Variants in DOCK3 observed in about 807,000 individuals in gnomAD.
DOCK3 encodes dedicator of cytokinesis 3, also known as dedicator of cytokinesis protein 3.
In DOCK3, 60 loss-of-function variants were observed where a neutral mutation model predicts 265.6. That is an observed-to-expected ratio of 0.23 (90% CI 0.18 to 0.28). DOCK3 has a LOEUF of 0.28. DOCK3 is among the 10% of genes least tolerant of loss of function. The probability of loss-of-function intolerance (pLI) is 1.00; values close to 1 mark genes in which losing one functional copy is unlikely to be tolerated. For missense variants in DOCK3, 1,981 were observed against 2,594.3 expected (o/e 0.76, Z 5.14); for synonymous variants, 881 against 938.0 (o/e 0.94, Z 1.11).
At chr3:51,310,162 C>A in intron 27 of DOCK3, 70 bp from the exon 28 acceptor site, 4 of 1,225,692 alleles carry the variant, frequency 3.3e-6, no homozygotes, top group Non-Finnish European at 4.7e-6. Flanking sequence ...TAGTGGCGGC[C>A]AGGAGTGGCC....
intron 1 of DOCK3, among the ~76,000 whole-genome samples, chr3:50,715,702 C>T (rs998633786): frequency 1.3e-5 from 2 of 151,948 alleles, no homozygotes; most frequent in Non-Finnish European, 2.9e-5. Flanking sequence ...AGCTGACTGC[C>T]CATAGTTCCA....
intron 13 of DOCK3, among the ~76,000 whole-genome samples, chr3:51,210,285 A>G (rs2089434878): frequency 6.6e-6 from 1 of 152,196 alleles, no homozygotes; most frequent in Non-Finnish European, 1.5e-5. Flanking sequence ...ATTTTTGTCT[A>G]GAACTCACAG....
At chr3:51,345,713 T>C (rs1480353) in intron 38 of DOCK3, among the ~76,000 whole-genome samples, 114,223 of 152,108 alleles carry the variant, frequency 0.75, 43,902 homozygotes, top group Middle Eastern at 0.86. Flanking sequence ...TTTTAATTGG[T>C]CCTGCAGTTT....
chr3:50,821,522 G>A (rs2044429484), intron 2 of DOCK3, among the ~76,000 whole-genome samples: 3 of 152,122 alleles, frequency 2.0e-5, no homozygotes, highest in Admixed American at 6.5e-5. Flanking sequence ...GGATGGTCTC[G>A]ATCTCCTGAC....
chr3:51,009,415 A>G (rs1166378115), intron 5 of DOCK3, among the ~76,000 whole-genome samples: 2 of 152,162 alleles, frequency 1.3e-5, no homozygotes, highest in African/African-American at 2.4e-5. Context: ...AGAGGTGTTT[A>G]TAGTATTCTC....
At chr3:50,818,008 T>A in intron 2 of DOCK3, among the ~76,000 whole-genome samples, 1 of 152,244 alleles carries the variant, frequency 6.6e-6, no homozygotes, top group East Asian at 1.9e-4. Flanking sequence ...CCTCTGCCGT[T>A]GTCCTGGCTG....
chr3:50,975,685 T>C (rs1198843426), intron 5 of DOCK3, among the ~76,000 whole-genome samples: 1 of 152,244 alleles, frequency 6.6e-6, no homozygotes, highest in Non-Finnish European at 1.5e-5. Flanking sequence ...TTCCCTCTTT[T>C]CCTATAGATT....
At chr3:50,820,516 A>G (rs764002646) in intron 2 of DOCK3, among the ~76,000 whole-genome samples, 4 of 152,142 alleles carry the variant, frequency 2.6e-5, no homozygotes, top group Non-Finnish European at 5.9e-5. Context: ...TTCTTTTTTT[A>G]TGGCTGCATA....
intron 6 of DOCK3, 145 bp downstream of exon 6, chr3:51,064,741 A>G (rs1469621320): frequency 1.2e-5 from 14 of 1,143,372 alleles, no homozygotes; most frequent in Non-Finnish European, 1.7e-5. Flanking sequence ...TTTTGCTAGG[A>G]GCAGTTATTT....
chr3:51,144,370 C>T (rs552622049), intron 9 of DOCK3, among the ~76,000 whole-genome samples: 2 of 152,290 alleles, frequency 1.3e-5, no homozygotes, highest in East Asian at 3.9e-4. Context: ...GAGTTTTGTC[C>T]TTGTTACATG....
intron 5 of DOCK3, among the ~76,000 whole-genome samples, chr3:50,957,165 G>T (rs1477478846): frequency 6.6e-6 from 1 of 152,050 alleles, no homozygotes; most frequent in Non-Finnish European, 1.5e-5. Context: ...TATTATATTT[G>T]TATATTTATT....
chr3:51,256,650 GA>G (rs1301808587), intron 22 of DOCK3, among the ~76,000 whole-genome samples: 4 of 149,176 alleles, frequency 2.7e-5, no homozygotes, highest in Non-Finnish European at 5.9e-5. Flanking sequence ...CTGGACTGCA[GA>G]GGCACAATCT....
chr3:50,708,670 T>C (rs2036564001), intron 1 of DOCK3, among the ~76,000 whole-genome samples: 1 of 152,222 alleles, frequency 6.6e-6, no homozygotes, highest in Admixed American at 6.5e-5. Flanking sequence ...CACAAGGGCC[T>C]AGGGGCTTTC....
At chr3:51,201,159 A>G (rs1350124641) in intron 12 of DOCK3, among the ~76,000 whole-genome samples, 6 of 151,444 alleles carry the variant, frequency 4.0e-5, no homozygotes, top group African/African-American at 1.2e-4. Context: ...GACAGGATCA[A>G]ATTCACACAT....
intron 1 of DOCK3, among the ~76,000 whole-genome samples, chr3:50,759,120 A>T (rs746514197): frequency 5.3e-5 from 8 of 152,218 alleles, no homozygotes; most frequent in Non-Finnish European, 1.2e-4. Flanking sequence ...ATATACGCAG[A>T]AGTGGAATGG....
intron 49 of DOCK3, among the ~76,000 whole-genome samples, chr3:51,363,594 G>C (rs552129617): frequency 6.6e-6 from 1 of 152,232 alleles, no homozygotes; most frequent in East Asian, 1.9e-4. Context: ...CCGTTAACTC[G>C]TCATTTACAT....
At chr3:50,849,268 C>T (rs998813931) in intron 3 of DOCK3, among the ~76,000 whole-genome samples, 1 of 151,854 alleles carries the variant, frequency 6.6e-6, no homozygotes, top group African/African-American at 2.4e-5. Flanking sequence ...TTCCTGGGCT[C>T]AAGCAATCTT....
chr3:51,270,726 C>T, intron 23 of DOCK3, 89 bp from the exon 24 acceptor site: 1 of 1,368,280 alleles, frequency 7.3e-7, no homozygotes, highest in Non-Finnish European at 9.9e-7. Context: ...GCCTTCTCAG[C>T]CTCTCACCAC....
intron 12 of DOCK3, among the ~76,000 whole-genome samples, chr3:51,164,345 G>A (rs1470944587): frequency 6.6e-6 from 1 of 152,104 alleles, no homozygotes; most frequent in African/African-American, 2.4e-5. Flanking sequence ...GATTCAGGCC[G>A]GGCGCGGTGG....
Sources: allele counts gnomAD v4.1 joint callset (sites outside exome capture counted in the v4.1 genomes callset), GRCh38; gene constraint gnomAD v4.1.1; transcripts MANE v1.5; gene names NCBI Gene and HGNC (gene_info 2026-07-23, HGNC 2026-07-21).